Variants in MPC2 observed in about 807,000 individuals in gnomAD.
MPC2 encodes mitochondrial pyruvate carrier 2, also known as brain protein 44.
In MPC2, 19 loss-of-function variants were observed where a neutral mutation model predicts 19.2. The observed-to-expected ratio is 0.99, with a 90% CI of 0.69 to 1.45. The LOEUF (loss-of-function observed/expected upper bound fraction) is 1.45, where lower values mean the gene tolerates loss of function less well. Ranked by LOEUF, MPC2 falls within the 40% of genes most tolerant of loss-of-function variation. The probability of loss-of-function intolerance (pLI) is 0.00; values close to 1 mark genes in which losing one functional copy is unlikely to be tolerated. For missense variants in MPC2, 122 were observed against 153.0 expected (o/e 0.80, Z 1.07); for synonymous variants, 61 against 54.3 (o/e 1.12, Z -0.54).
In MPC2 at chr1:167,918,116, T is replaced by G. The variant is rs1670508569; in HGVS notation, c.*207A>C. ...TTACGGACAAATGGTAGAAAAATGTTACTAATATCCATAGATAAGTTCCTT... is the reference window on the plus strand; with the variant it reads ...TTACGGACAAATGGTAGAAAAATGTGACTAATATCCATAGATAAGTTCCTT... On this transcript the variant is annotated 3_prime_UTR_variant, in exon 6 of 6. Transcript: ENST00000271373. 4 of 444,064 alleles carry G rather than the reference T, an allele frequency of 9.0e-6. No homozygotes were observed. Among genetic ancestry groups the G allele is most frequent in the Non-Finnish European group, 1.2e-5 (3 of 250,572 alleles). 27.5% of individuals were successfully genotyped at this position (444,064 alleles called of 1,614,324 possible).
chr1:167,926,025 G>A (rs1670748498), intron 2 of MPC2, among the ~76,000 whole-genome samples: 1 of 152,086 alleles, frequency 6.6e-6, no homozygotes, highest in Admixed American at 6.6e-5. Flanking sequence ...AGAGAAGCTG[G>A]GTATCATTAG....
At chr1:167,932,271 T>C (rs963898440) in intron 2 of MPC2, among the ~76,000 whole-genome samples, 1 of 152,120 alleles carries the variant, frequency 6.6e-6, no homozygotes, top group Non-Finnish European at 1.5e-5. Context: ...CATTTATATA[T>C]TTATAAATTA....
chr1:167,935,004 A>G (rs1379523100), intron 2 of MPC2, among the ~76,000 whole-genome samples: 1 of 152,114 alleles, frequency 6.6e-6, no homozygotes. Flanking sequence ...CTGAGCATTT[A>G]CAAAGAGTCA....
At chr1:167,929,541 T>C (rs1670849985) in intron 2 of MPC2, among the ~76,000 whole-genome samples, 1 of 152,210 alleles carries the variant, frequency 6.6e-6, no homozygotes, top group African/African-American at 2.4e-5. Flanking sequence ...AAGCAAATAA[T>C]AACAGACATA....
chr1:167,925,912 A>C (rs991171832), intron 2 of MPC2, among the ~76,000 whole-genome samples: 1 of 152,202 alleles, frequency 6.6e-6, no homozygotes, highest in Non-Finnish European at 1.5e-5. Context: ...TTAAATATTG[A>C]TAAGTCTGTC....
chr1:167,929,405 G>A (rs1251621435), intron 2 of MPC2, among the ~76,000 whole-genome samples: 1 of 152,010 alleles, frequency 6.6e-6, no homozygotes, highest in African/African-American at 2.4e-5. Context: ...TATGAACTAT[G>A]TTCAAGAATG....
chr1:167,934,346 C>T (rs1169704069), intron 2 of MPC2, among the ~76,000 whole-genome samples: 1 of 152,208 alleles, frequency 6.6e-6, no homozygotes, highest in African/African-American at 2.4e-5. Flanking sequence ...GTTGACTTCA[C>T]ATTCAGTTGA....
chr1:167,931,376 T>A (rs1042535246), intron 2 of MPC2, among the ~76,000 whole-genome samples: 1 of 152,216 alleles, frequency 6.6e-6, no homozygotes, highest in African/African-American at 2.4e-5. Flanking sequence ...TCAACCTTCT[T>A]GGTAGCTGAT....
At position 167,925,691 on chromosome 1, in the gene MPC2, C is replaced by T. The variant is rs533081747; in HGVS notation, c.110-1154G>A. Reference sequence around the variant, plus strand: ...CCTCCCAAGTAGCTGGGATTACAGGCGCCTGCCACCACACCCGGCTAATTT... The same window carrying T: ...CCTCCCAAGTAGCTGGGATTACAGGTGCCTGCCACCACACCCGGCTAATTT... On this transcript the variant is annotated intron_variant, in intron 2 of 5. Coordinates refer to ENST00000271373, the MANE Select transcript of MPC2 (RefSeq NM_001143674.4). Among the ~76,000 whole-genome samples the T allele has an allele frequency of 1.9e-3, 288 of 151,218 alleles. 2 individuals carry two copies. Among genetic ancestry groups the T allele is most frequent in the African/African-American group, 6.8e-3 (282 of 41,250 alleles).
chr1:167,929,081 G>A (rs968994805), intron 2 of MPC2, among the ~76,000 whole-genome samples: 2 of 152,190 alleles, frequency 1.3e-5, no homozygotes, highest in Admixed American at 6.5e-5. Context: ...CATTTAGGCC[G>A]GGCGTGGTGG....
intron 2 of MPC2, among the ~76,000 whole-genome samples, chr1:167,933,793 C>G (rs1392100350): frequency 6.6e-6 from 1 of 152,212 alleles, no homozygotes; most frequent in African/African-American, 2.4e-5. Flanking sequence ...GGTGTGCCTC[C>G]AACTTGTCGA....
intron 3 of MPC2, among the ~76,000 whole-genome samples, chr1:167,923,718 C>T (rs1670660390): frequency 6.6e-6 from 1 of 150,804 alleles, no homozygotes; most frequent in Non-Finnish European, 1.5e-5. Flanking sequence ...AAAAAGCCTA[C>T]AGACCAGTGG....
chr1:167,924,660 T>A (rs953417574), intron 2 of MPC2, 123 bp from the exon 3 acceptor site: 7 of 652,034 alleles, frequency 1.1e-5, no homozygotes, highest in Non-Finnish European at 1.5e-5. Context: ...CCACTTTTAC[T>A]ATGCTTTTTG....
At chr1:167,919,936 G>T in intron 5 of MPC2, 43 bp downstream of exon 5, 1 of 1,434,610 alleles carries the variant, frequency 7.0e-7, no homozygotes, top group Non-Finnish European at 9.6e-7. Context: ...TGCCATCTAA[G>T]TAGCTTTTGC....
chr1:167,933,059 C>T lies in MPC2; in HGVS notation c.109+2674G>A, dbSNP rs1670956835. 2.0e-5 allele frequency among the ~76,000 whole-genome samples: 3 copies of T among 152,112 alleles called. No individual in the cohort carries two copies. The South Asian group carries it at 6.2e-4, about 32-fold the overall frequency. ...CTCTACAGTGGCAGATCATGACATG[C>T]CAGCAAAAACACATAGGCAAATGGA... On this transcript the variant is annotated intron_variant, in intron 2 of 5. Transcript: ENST00000271373.
In MPC2 at chr1:167,924,628, G is replaced by T; in HGVS notation, c.110-91C>A. On this transcript the variant is annotated intron_variant, in intron 2 of 5. Coordinates refer to ENST00000271373, the MANE Select transcript of MPC2 (RefSeq NM_001143674.4). Reference sequence around the variant, plus strand: ...CTGTCACCAAATTTTAAAAACCAAAGGATTTATCAACCTATTTTTAACCAC... The same window carrying T: ...CTGTCACCAAATTTTAAAAACCAAATGATTTATCAACCTATTTTTAACCAC... The T allele has an allele frequency of 6.5e-6, 6 of 916,876 alleles. No individual in the cohort carries two copies. In the South Asian group the frequency reaches 7.8e-5, roughly 12 times the overall value. The allele number at this position is 916,876 out of a possible 1,614,324, so 56.8% of individuals were successfully genotyped here.
In MPC2 at chr1:167,924,512, A is replaced by G. The variant is rs1273466319; in HGVS notation, c.135T>C (p.Ala45=). ...CAAGACTTACCCATTTCATAATTGG[A>G]GCCCAGAAGAAAACTGTTCTGGGAC... ...PAGPRTVFFW[A]PIMKWGLVCA... is the part of the protein sequence containing the mutation. The change falls in exon 3 of 6, where the codon GCT becomes GCC. Residue 45 remains alanine, a synonymous_variant. Coordinates refer to ENST00000271373, the MANE Select transcript of MPC2 (RefSeq NM_001143674.4). The G allele has an allele frequency of 6.3e-7, 1 of 1,587,280 alleles. No homozygotes were observed. The highest frequency in any genetic ancestry group is 8.6e-7 in the Non-Finnish European group (1 of 1,169,124).
chr1:167,927,460 C>T (rs751016297), intron 2 of MPC2, among the ~76,000 whole-genome samples: 1 of 152,188 alleles, frequency 6.6e-6, no homozygotes. Flanking sequence ...TTTTTATCCT[C>T]GCATGGAGTT....
chr1:167,922,170 C>T (rs1004337097), intron 3 of MPC2, among the ~76,000 whole-genome samples: 1 of 152,072 alleles, frequency 6.6e-6, no homozygotes, highest in South Asian at 2.1e-4. Flanking sequence ...AGTCTCCCCA[C>T]CAGAGAACAA....
Sources: allele counts gnomAD v4.1 joint callset (sites outside exome capture counted in the v4.1 genomes callset), GRCh38; gene constraint gnomAD v4.1.1; transcripts MANE v1.5; gene names NCBI Gene and HGNC (gene_info 2026-07-23, HGNC 2026-07-21).